The following STARD13 variants were observed in gnomAD, a reference collection of about 807,000 sequenced individuals.
STARD13 encodes StAR related lipid transfer domain containing 13.
In STARD13, 62 loss-of-function variants were observed where a neutral mutation model predicts 106.4. The ratio of observed to expected loss-of-function variants is 0.58; its 90% CI spans 0.48 to 0.72. The LOEUF (loss-of-function observed/expected upper bound fraction) is 0.72. Ranked by LOEUF, STARD13 falls within the 30% of genes least tolerant of loss-of-function variation. STARD13 has a pLI of 0.00. For missense variants in STARD13, 1,387 were observed against 1,424.0 expected, an observed-to-expected ratio of 0.97 and a Z score of 0.42; for synonymous variants, 565 against 553.0, an observed-to-expected ratio of 1.02 and a Z score of -0.31.
the STARD13 span, among the ~76,000 whole-genome samples, chr13:33,445,865 A>G: frequency 2.8e-4 from 42 of 152,218 alleles, 1 homozygote; most frequent in East Asian, 7.7e-3. Context: ...GTTTTAATCT[A>G]TTCATGAGGG....
chr13:33,278,626 G>A (rs999591507), intron 1 of STARD13: 34 of 152,082 alleles, frequency 2.2e-4, no homozygotes, highest in African/African-American at 7.7e-4. Context: ...AAGTTCTTGG[G>A]AGAAAATTCT....
chr13:33,584,459 G>A, the STARD13 span, among the ~76,000 whole-genome samples: 1 of 151,662 alleles, frequency 6.6e-6, no homozygotes, highest in Non-Finnish European at 1.5e-5. Flanking sequence ...GCATCAAGGG[G>A]ATGGTGGTAA....
the STARD13 span, among the ~76,000 whole-genome samples, chr13:33,547,144 T>A: frequency 1.3e-5 from 2 of 152,210 alleles, no homozygotes; most frequent in African/African-American, 4.8e-5. Context: ...TTTCTTTTTC[T>A]TTTGGCCATG....
chr13:33,311,639 G>T (rs545974646), intron 1 of STARD13, among the ~76,000 whole-genome samples: 1 of 152,152 alleles, frequency 6.6e-6, no homozygotes, highest in Non-Finnish European at 1.5e-5. Flanking sequence ...TCTTATTTAC[G>T]TATTTCATCA....
intron 1 of STARD13, among the ~76,000 whole-genome samples, chr13:33,250,188 T>G (rs1051400313): frequency 6.6e-6 from 1 of 152,184 alleles, no homozygotes; most frequent in African/African-American, 2.4e-5. Context: ...AAAAAAAATC[T>G]GGAAAATAAT....
chr13:33,282,188 T>TG (rs1352231426), intron 1 of STARD13, among the ~76,000 whole-genome samples: 29 of 152,058 alleles, frequency 1.9e-4, no homozygotes, highest in African/African-American at 7.0e-4. Context: ...AGCAAGAATG[T>TG]GGGGTAGGGA....
At chr13:33,499,685 T>TCTCTCCTTCCTCTTC in the STARD13 span, among the ~76,000 whole-genome samples, 7 of 134,548 alleles carry the variant, frequency 5.2e-5, no homozygotes, top group Non-Finnish European at 1.1e-4. Flanking sequence ...TCTTCCTCTT[T>TCTCTCCTTCCTCTTC]CTCTTCTTCC....
chr13:33,171,040 C>T lies in STARD13; in HGVS notation c.170-3418G>A, dbSNP rs114888318. Among the ~76,000 whole-genome samples, 697 of 152,280 alleles carry T rather than the reference C, an allele frequency of 4.6e-3. 6 individuals are homozygous for T. The highest frequency in any genetic ancestry group is 0.016 in the African/African-American group (665 of 41,546). ...AGAACTAAAAAGGAATCATTATTGCCAGTGCCATCATTTCACAAAGATCTA... is the reference window on the plus strand; with the variant it reads ...AGAACTAAAAAGGAATCATTATTGCTAGTGCCATCATTTCACAAAGATCTA... On this transcript the variant is annotated intron_variant, in intron 1 of 13. Coordinates refer to ENST00000336934, the MANE Select transcript of STARD13 (RefSeq NM_178006.4).
At chr13:33,242,212 G>A (rs1359174138) in intron 1 of STARD13, among the ~76,000 whole-genome samples, 3 of 152,158 alleles carry the variant, frequency 2.0e-5, no homozygotes, top group Non-Finnish European at 2.9e-5. Flanking sequence ...GGGAGGTGGG[G>A]GGCAGCCCCC....
chr13:33,507,993 G>T, the STARD13 span, among the ~76,000 whole-genome samples: 3 of 152,142 alleles, frequency 2.0e-5, no homozygotes, highest in South Asian at 2.1e-4. Flanking sequence ...GGCCTGTGCA[G>T]TTCAAGCCCG....
intron 3 of STARD13, among the ~76,000 whole-genome samples, chr13:33,151,720 A>G (rs1023534802): frequency 1.3e-5 from 2 of 152,242 alleles, no homozygotes; most frequent in Non-Finnish European, 2.9e-5. Context: ...TTTAGACAGG[A>G]GCGTAACATA....
upstream of STARD13, among the ~76,000 whole-genome samples, chr13:33,353,002 G>A (rs995557896): frequency 5.9e-5 from 9 of 152,076 alleles, no homozygotes; most frequent in African/African-American, 1.7e-4. Context: ...CCATCGCAGC[G>A]GAAGAGGTGT....
the STARD13 span, among the ~76,000 whole-genome samples, chr13:33,641,332 T>C: frequency 6.6e-6 from 1 of 152,154 alleles, no homozygotes; most frequent in Non-Finnish European, 1.5e-5. Flanking sequence ...CCTCCCACCT[T>C]TGCCTCCCAA....
At chr13:33,601,702 CTCTT>C in the STARD13 span, among the ~76,000 whole-genome samples, 1 of 152,184 alleles carries the variant, frequency 6.6e-6, no homozygotes, top group African/African-American at 2.4e-5. Flanking sequence ...GATTCCAGAT[CTCTT>C]TCTATTACCC....
chr13:33,524,279 C>T, the STARD13 span: 6 of 1,280,864 alleles, frequency 4.7e-6, no homozygotes, highest in African/African-American at 1.5e-5. Flanking sequence ...TGGCTTGGCA[C>T]ACCATCAAGA....
chr13:33,114,805 A>C (rs1186889272), intron 8 of STARD13, among the ~76,000 whole-genome samples: 2 of 151,972 alleles, frequency 1.3e-5, no homozygotes, highest in Admixed American at 6.6e-5. Flanking sequence ...TCTTTTATCC[A>C]TCAGAAAATA....
chr13:33,490,670 C>T, the STARD13 span, among the ~76,000 whole-genome samples: 1 of 152,154 alleles, frequency 6.6e-6, no homozygotes, highest in Admixed American at 6.5e-5. Context: ...CCACCTCTAC[C>T]ACTCAATAAA....
At chr13:33,363,313 T>G in the STARD13 span, among the ~76,000 whole-genome samples, 1 of 152,190 alleles carries the variant, frequency 6.6e-6, no homozygotes. Flanking sequence ...TTTTATTTCT[T>G]AGTTATTCCA....
At chr13:33,381,034 G>T in the STARD13 span, among the ~76,000 whole-genome samples, 1 of 152,122 alleles carries the variant, frequency 6.6e-6, no homozygotes, top group African/African-American at 2.4e-5. Context: ...AAATATCACT[G>T]ACTGACTTTT....
Sources: allele counts gnomAD v4.1 joint callset (sites outside exome capture counted in the v4.1 genomes callset), GRCh38; gene constraint gnomAD v4.1.1; transcripts MANE v1.5; gene names NCBI Gene and HGNC (gene_info 2026-07-23, HGNC 2026-07-21).